The following SASH1 variants were observed in gnomAD, a reference collection of about 807,000 sequenced individuals.
SASH1 encodes SAM and SH3 domain containing 1.
In SASH1, 44 loss-of-function variants were observed where a neutral mutation model predicts 125.2. That is an observed-to-expected ratio of 0.35 (90% CI 0.28 to 0.45). SASH1 has a LOEUF of 0.45. Ranked by LOEUF, SASH1 falls within the 20% of genes least tolerant of loss-of-function variation. The pLI, the probability that SASH1 is intolerant of heterozygous loss-of-function variation, is 1.00. For synonymous variants in SASH1, 639 were observed against 649.1 expected (o/e 0.98, Z 0.24); for missense variants, 1,426 against 1,614.5 (o/e 0.88, Z 2.00).
At chr6:148,358,828 C>G (rs528661673) in intron 1 of SASH1, among the ~76,000 whole-genome samples, 134 of 150,832 alleles carry the variant, frequency 8.9e-4, no homozygotes, top group African/African-American at 3.1e-3. Flanking sequence ...CTCCGCCTCC[C>G]GGGTTCACGC....
intron 2 of SASH1, among the ~76,000 whole-genome samples, chr6:148,413,383 T>C (rs1203798095): frequency 6.6e-6 from 1 of 152,144 alleles, no homozygotes; most frequent in East Asian, 1.9e-4. Context: ...TGGAGGAATT[T>C]AGGTCTCGAT....
At chr6:148,484,761 TG>T (rs1778771190) in intron 7 of SASH1, among the ~76,000 whole-genome samples, 1 of 152,118 alleles carries the variant, frequency 6.6e-6, no homozygotes, top group Non-Finnish European at 1.5e-5. Flanking sequence ...GGCATCATGA[TG>T]AAACCTCATC....
the SASH1 span, among the ~76,000 whole-genome samples, chr6:148,244,362 G>A: frequency 6.6e-6 from 1 of 152,136 alleles, no homozygotes; most frequent in African/African-American, 2.4e-5. Flanking sequence ...AGAGGAGACC[G>A]GCTTTATTCA....
intron 2 of SASH1, among the ~76,000 whole-genome samples, chr6:148,438,464 G>A (rs376988335): frequency 1.3e-5 from 2 of 152,106 alleles, no homozygotes; most frequent in Non-Finnish European, 2.9e-5. Flanking sequence ...TAGAAATGGT[G>A]TATCAAGTTT....
intron 4 of SASH1, among the ~76,000 whole-genome samples, chr6:148,448,482 A>G (rs1306477202): frequency 6.6e-6 from 1 of 152,024 alleles, no homozygotes; most frequent in Non-Finnish European, 1.5e-5. Flanking sequence ...TCCCTGTTGC[A>G]TTGGGTCCTG....
In SASH1 at chr6:148,343,032, G is replaced by A; in HGVS notation, c.-36G>A. 1.7e-6 allele frequency: 2 copies of A among 1,203,502 alleles called. No individual in the cohort carries two copies. The highest frequency in any genetic ancestry group is 2.1e-6 in the Non-Finnish European group (2 of 970,386). The allele number at this position is 1,203,502 out of a possible 1,614,324, so 74.6% of individuals were successfully genotyped here. A position where few individuals can be genotyped will look rare whatever the true frequency, so the allele number is the denominator to read the frequency against. ...CGGGTGCGGGGCGAGGGCGCCGCGG[G>A]GACTGGGACGCACGGCCCGCGCGCG... is the stretch of plus-strand genomic sequence containing the variant. On this transcript the variant is annotated 5_prime_UTR_variant, in exon 1 of 20. Coordinates refer to ENST00000367467, the MANE Select transcript of SASH1 (RefSeq NM_015278.5).
At chr6:148,446,785 A>G (rs976223585) in intron 4 of SASH1, among the ~76,000 whole-genome samples, 1 of 152,238 alleles carries the variant, frequency 6.6e-6, no homozygotes, top group Non-Finnish European at 1.5e-5. Flanking sequence ...GAGATGACAA[A>G]TGGTATGATT....
chr6:148,417,609 A>AT (rs1562393672), intron 2 of SASH1, among the ~76,000 whole-genome samples: 19 of 151,850 alleles, frequency 1.3e-4, no homozygotes, highest in African/African-American at 3.4e-4. Context: ...AAATAAATAA[A>AT]AGAGCATGTA....
At chr6:148,345,487 T>A in intron 1 of SASH1, among the ~76,000 whole-genome samples, 1 of 152,220 alleles carries the variant, frequency 6.6e-6, no homozygotes, top group East Asian at 1.9e-4. Context: ...GTTTTCCTCT[T>A]GTTTATCTGG....
chr6:148,499,672 A>C (rs1779482980), intron 8 of SASH1, among the ~76,000 whole-genome samples: 2 of 152,182 alleles, frequency 1.3e-5, no homozygotes, highest in African/African-American at 4.8e-5. Context: ...AGAGCTTTCC[A>C]GGAGAAGGAG....
chr6:148,247,483 G>A, the SASH1 span, among the ~76,000 whole-genome samples: 18 of 152,210 alleles, frequency 1.2e-4, no homozygotes, highest in Non-Finnish European at 2.4e-4. Context: ...ACCTCCTCTA[G>A]TGGACAGTGA....
In SASH1 at chr6:148,446,088, C is replaced by CTTTTTT. The variant is rs576798745; in HGVS notation, c.386+5714_386+5719dup. On this transcript the variant is annotated intron_variant, in intron 4 of 19. Coordinates refer to ENST00000367467, the MANE Select transcript of SASH1 (RefSeq NM_015278.5). ...TTGCTATCCTGAACAACATAGGGTT[C>CTTTTTT]TTTTTTTTTTTTTTTTTTTTTTTTT... Among the ~76,000 whole-genome samples, 9 of 71,012 alleles carry CTTTTTT rather than the reference C, an allele frequency of 1.3e-4. 2 individuals are homozygous for CTTTTTT. The highest frequency in any genetic ancestry group is 4.4e-4 in the East Asian group (1 of 2,284). 46.6% of individuals were successfully genotyped at this position (71,012 alleles called of 152,430 possible).
At chr6:148,360,679 G>A (rs2114704371) in intron 1 of SASH1, among the ~76,000 whole-genome samples, 1 of 149,348 alleles carries the variant, frequency 6.7e-6, no homozygotes, top group East Asian at 2.0e-4. Flanking sequence ...AAGATGCTGT[G>A]GGGCAGAAAG....
chr6:148,436,025 T>A (rs975545893), intron 2 of SASH1, among the ~76,000 whole-genome samples: 1 of 152,212 alleles, frequency 6.6e-6, no homozygotes, highest in Non-Finnish European at 1.5e-5. Flanking sequence ...TTCCTCATTT[T>A]GAAAACTCAT....
chr6:148,416,301 T>G (rs925054597), intron 2 of SASH1, among the ~76,000 whole-genome samples: 1 of 148,984 alleles, frequency 6.7e-6, no homozygotes, highest in Non-Finnish European at 1.5e-5. Context: ...ACAAGGTTGT[T>G]TCTTTTTTTC....
intron 1 of SASH1, among the ~76,000 whole-genome samples, chr6:148,303,215 G>A (rs904775074): frequency 6.6e-6 from 1 of 151,890 alleles, no homozygotes; most frequent in Non-Finnish European, 1.5e-5. Flanking sequence ...CCTGACCTCA[G>A]GTGATCCACC....
At chr6:148,376,052 A>G (rs1215714152) in intron 1 of SASH1, among the ~76,000 whole-genome samples, 1 of 151,978 alleles carries the variant, frequency 6.6e-6, no homozygotes. Context: ...CAGTGGGGGT[A>G]AACTGGTTTC....
intron 1 of SASH1, among the ~76,000 whole-genome samples, chr6:148,321,226 T>A (rs1780625445): frequency 8.9e-6 from 1 of 112,754 alleles, no homozygotes; most frequent in Admixed American, 9.3e-5. Flanking sequence ...ACACCATCTC[T>A]ACTAAATACA....
chr6:148,239,028 A>G, the SASH1 span, among the ~76,000 whole-genome samples: 1 of 152,216 alleles, frequency 6.6e-6, no homozygotes, highest in Non-Finnish European at 1.5e-5. Context: ...TCACTGGCCC[A>G]TGAGTTTGCC....
Sources: allele counts gnomAD v4.1 joint callset (sites outside exome capture counted in the v4.1 genomes callset), GRCh38; gene constraint gnomAD v4.1.1; transcripts MANE v1.5; gene names NCBI Gene and HGNC (gene_info 2026-07-23, HGNC 2026-07-21).